SP140: variants seen among roughly 807,000 people sequenced by gnomAD.
The protein encoded by SP140 is SP140 nuclear body protein, also known as nuclear body protein SP140.
A neutral mutation model predicts 125.0 loss-of-function variants in SP140; 81 were observed. The ratio of observed to expected loss-of-function variants is 0.65; its 90% CI spans 0.54 to 0.78. SP140 has a LOEUF of 0.78. SP140 is among the 30% of genes least tolerant of loss of function. SP140 has a pLI of 0.00. For synonymous variants in SP140, 312 were observed against 354.0 expected, an observed-to-expected ratio of 0.88 and a Z score of 1.33; for missense variants, 858 against 1,037.0, an observed-to-expected ratio of 0.83 and a Z score of 2.37.
upstream of SP140, among the ~76,000 whole-genome samples, chr2:230,222,008 A>G (rs1391617879): frequency 6.6e-6 from 1 of 152,194 alleles, no homozygotes; most frequent in African/African-American, 2.4e-5. Flanking sequence ...CAGGCAGATC[A>G]CTTGAGGCCA....
At chr2:230,311,646 T>C in intron 26 of SP140, 51 bp downstream of exon 26, 1 of 1,593,852 alleles carries the variant, frequency 6.3e-7, no homozygotes, top group South Asian at 1.1e-5. Flanking sequence ...CTTCCCCTCA[T>C]TTTCTGGTGC....
At chr2:230,220,936 C>G (rs2045760189), upstream of SP140, among the ~76,000 whole-genome samples, 1 of 152,016 alleles carries the variant, frequency 6.6e-6, no homozygotes, top group African/African-American at 2.4e-5. Flanking sequence ...TGCTTGAGCC[C>G]AGGAGTTCAA....
rs369229083 is a variant in SP140 at position 230,275,482 on chromosome 2, CCA to C, written c.1498+4849_1498+4850del. Among the ~76,000 whole-genome samples the C allele has an allele frequency of 4.3e-4, 65 of 152,202 alleles. No individual in the cohort carries two copies. In the East Asian group the frequency reaches 0.011, roughly 25 times the overall value. On this transcript the variant is annotated intron_variant, in intron 15 of 26. Coordinates refer to ENST00000392045, the MANE Select transcript of SP140 (RefSeq NM_007237.5). ...GTTACTATTCTAACTGTCTATGGCA[CCA>C]CACACTGTGTTCGTATAAGATGGCA...
chr2:230,218,548 AAG>A (rs2045487305), intron 3 of SP140, among the ~76,000 whole-genome samples: 1 of 152,140 alleles, frequency 6.6e-6, no homozygotes, highest in South Asian at 2.1e-4. Flanking sequence ...TAAGAAGAGG[AAG>A]GGGTCTTGGA....
intron 1 of SP140, among the ~76,000 whole-genome samples, chr2:230,213,278 C>T (rs2044700935): frequency 1.3e-5 from 2 of 152,242 alleles, no homozygotes; most frequent in East Asian, 1.9e-4. Context: ...TGGTTTCACA[C>T]ATAAAAGTTG....
chr2:230,264,972 G>A (rs531187986), intron 12 of SP140, among the ~76,000 whole-genome samples: 2 of 152,322 alleles, frequency 1.3e-5, no homozygotes, highest in South Asian at 4.1e-4. Context: ...ACTTTCCAGA[G>A]AGCATCAGCT....
At chr2:230,225,141 T>C (rs1413250684), upstream of SP140, among the ~76,000 whole-genome samples, 1 of 152,188 alleles carries the variant, frequency 6.6e-6, no homozygotes, top group African/African-American at 2.4e-5. Context: ...AGTGAAATGG[T>C]TGAAGCTCAT....
chr2:230,197,402 C>G, the SP140 span, among the ~76,000 whole-genome samples: 1 of 151,060 alleles, frequency 6.6e-6, no homozygotes, highest in Non-Finnish European at 1.5e-5. Context: ...TTGTTTTTTT[C>G]TTGTAAATTT....
chr2:230,290,271 G>A (rs1186554307), intron 18 of SP140, among the ~76,000 whole-genome samples, 189 bp from the exon 19 acceptor site: 1 of 152,152 alleles, frequency 6.6e-6, no homozygotes, highest in African/African-American at 2.4e-5. Flanking sequence ...AATTTGAAAG[G>A]TGAAATTGGG....
At chr2:230,218,390 A>G (rs1342189283) in intron 3 of SP140, among the ~76,000 whole-genome samples, 5 of 152,208 alleles carry the variant, frequency 3.3e-5, no homozygotes, top group African/African-American at 9.7e-5. Context: ...AAAACAAGAA[A>G]AGATGCCATT....
intron 3 of SP140, 176 bp downstream of exon 3, chr2:230,238,557 A>G (rs1045806481): frequency 6.6e-6 from 5 of 759,914 alleles, no homozygotes; most frequent in South Asian, 5.6e-5. Context: ...TGGAGTTTAC[A>G]TACAGTGGGA....
the SP140 span, chr2:230,186,279 A>T: frequency 3.8e-6 from 3 of 797,442 alleles, no homozygotes; most frequent in Non-Finnish European, 6.0e-6. Context: ...CCCCAGACTC[A>T]TAATACTTCC....
chr2:230,258,612 G>T (rs2051653940), intron 12 of SP140, among the ~76,000 whole-genome samples: 1 of 152,132 alleles, frequency 6.6e-6, no homozygotes, highest in African/African-American at 2.4e-5. Flanking sequence ...TTTAGTAGTG[G>T]TATTTCCATT....
intron 22 of SP140, among the ~76,000 whole-genome samples, chr2:230,301,327 C>T (rs995162309): frequency 2.0e-5 from 3 of 152,180 alleles, no homozygotes; most frequent in Admixed American, 1.3e-4. Flanking sequence ...GATAATCACT[C>T]AGGCAGAGTC....
upstream of SP140, chr2:230,201,103 C>G: frequency 2.7e-6 from 2 of 743,942 alleles, no homozygotes; most frequent in South Asian, 2.9e-5. Flanking sequence ...ATGCATCTAC[C>G]AAGAGATTTG....
At chr2:230,300,565 G>C (rs1338630824) in intron 22 of SP140, among the ~76,000 whole-genome samples, 2 of 152,086 alleles carry the variant, frequency 1.3e-5, no homozygotes, top group African/African-American at 4.8e-5. Flanking sequence ...AATCACAGCA[G>C]TTTGGCTCTC....
downstream of SP140, among the ~76,000 whole-genome samples, chr2:230,314,651 G>T (rs2059470532): frequency 6.6e-6 from 1 of 152,184 alleles, no homozygotes. Context: ...TGGAAAAGTG[G>T]GTCCCAAGGA....
intron 17 of SP140, among the ~76,000 whole-genome samples, chr2:230,287,229 A>C (rs1325331151): frequency 1.3e-5 from 2 of 152,126 alleles, no homozygotes; most frequent in African/African-American, 4.8e-5. Flanking sequence ...CTTAGATCCT[A>C]ATATTTATTT....
Position 230,245,837 on chromosome 2 carries a change from T to C in SP140, c.665-26T>C, listed in dbSNP as rs771304385. 3.1e-5 allele frequency: 47 copies of C among 1,504,590 alleles called. No individual in the cohort carries two copies. In the South Asian group the frequency reaches 4.7e-4, roughly 15 times the overall value. 93.2% of individuals were successfully genotyped at this position (1,504,590 alleles called of 1,614,324 possible). On this transcript the variant is annotated intron_variant, in intron 6 of 26. Transcript: ENST00000392045. ...GGTGTCCAGGTCACTGCCAATTGTC[T>C]GTCATGTTCCTCTTTCACTCTGCAG...
Sources: gnomAD v4.1 joint callset for allele counts (sites outside exome capture counted in the v4.1 genomes callset) on GRCh38, gnomAD v4.1.1 for gene constraint, MANE v1.5 for transcripts, NCBI Gene and HGNC (gene_info 2026-07-23, HGNC 2026-07-21) for gene names.